The following DIP2A variants were observed in gnomAD, a reference collection of about 807,000 sequenced individuals.
DIP2A encodes the protein disco-interacting protein 2 homolog A.
A neutral mutation model predicts 177.4 loss-of-function variants in DIP2A; 85 were observed. The observed-to-expected ratio is 0.48, with a 90% confidence interval of 0.40 to 0.57. The LOEUF is 0.57. Among genes scored for constraint, DIP2A ranks in the 20% least tolerant of loss-of-function variants. The pLI is 0.00. For synonymous variants in DIP2A, 886 were observed against 881.8 expected (o/e 1.00, Z -0.08); for missense variants, 1,791 against 2,100.2 (o/e 0.85, Z 2.88).
intron 8 of DIP2A, among the ~76,000 whole-genome samples, chr21:46,521,990 C>T (rs558530644): frequency 1.3e-4 from 20 of 152,326 alleles, no homozygotes; most frequent in Non-Finnish European, 2.8e-4. Context: ...CCCATAGTCC[C>T]ATAGTCTCAA....
the DIP2A span, among the ~76,000 whole-genome samples, chr21:46,579,819 T>C: frequency 6.6e-6 from 1 of 152,108 alleles, no homozygotes; most frequent in African/African-American, 2.4e-5. Flanking sequence ...TCTGAAAGAC[T>C]GTTATAATTT....
chr21:46,543,541 G>GCTTCCCCAGGCA (rs1569078081), intron 18 of DIP2A, among the ~76,000 whole-genome samples: 1 of 24,772 alleles, frequency 4.0e-5, no homozygotes, highest in Non-Finnish European at 7.5e-5. Flanking sequence ...CGTGCAAAGC[G>GCTTCCCCAGGCA]CTCCCCCAGG....
At chr21:46,513,448 G>C (rs759047134) in intron 8 of DIP2A, among the ~76,000 whole-genome samples, 31 of 152,112 alleles carry the variant, frequency 2.0e-4, no homozygotes, top group African/African-American at 7.2e-4. Context: ...CTGTTGGCGG[G>C]GGGTGTTGTC....
rs769605995 is a variant in DIP2A, at chr21:46,498,873, G to A, written c.655+40G>A. The stretch of plus-strand genomic sequence containing the variant: ...GCTGCGGCCCCTGTGCCAGCAGAGC[G>A]GGGTCAGGAGTGTCCAGGACAGAGG... On this transcript the variant is annotated intron_variant, in intron 5 of 37. Transcript: ENST00000417564. The surrounding 1 kb of genome is among the most constrained non-coding windows in gnomAD (Gnocchi z 4.3). 21 of 1,567,354 alleles carry A rather than the reference G, an allele frequency of 1.3e-5. No individual in the cohort carries two copies. Among genetic ancestry groups the A allele is most frequent in the South Asian group, 6.0e-5 (5 of 83,926 alleles).
rs2058314634 is a variant in DIP2A at position 46,511,555 on chromosome 21, A to G, written c.1043A>G (p.Lys348Arg). The change falls in exon 8 of 38, where the codon AAA (lysine) becomes AGA (arginine). Residue 348 changes from lysine to arginine, a missense_variant. Lys to Arg is a conservative substitution (Grantham distance 26). Coordinates refer to ENST00000417564, the MANE Select transcript of DIP2A (RefSeq NM_015151.4). ...CAGCGCTGGGGCACAACACAGCCCAAATCCCCCTGTCTGACTGCCTTGGAT... is the reference window on the plus strand; with the variant it reads ...CAGCGCTGGGGCACAACACAGCCCAGATCCCCCTGTCTGACTGCCTTGGAT... ...TLQRWGTTQP[K>R]SPCLTALDTT... 1.3e-6 allele frequency: 2 copies of G among 1,597,846 alleles called. No individual in the cohort carries two copies. Among genetic ancestry groups the G allele is most frequent in the African/African-American group, 1.4e-5 (1 of 74,026 alleles).
At position 46,537,326 on chromosome 21, in the gene DIP2A, G is replaced by A; in HGVS notation, c.1707+38G>A. ...TGCTGATGACTAACTGTTGGAACAA[G>A]GGATTGAGATGAACCCAAGCCTCTG... is the stretch of plus-strand genomic sequence containing the variant. On this transcript the variant is annotated intron_variant, in intron 14 of 37. Coordinates refer to ENST00000417564, the MANE Select transcript of DIP2A (RefSeq NM_015151.4). This position sits in a 1 kb window ranked among gnomAD's most constrained non-coding sequence, Gnocchi z 4.1. 1.2e-6 allele frequency: 2 copies of A among 1,613,168 alleles called. No individual in the cohort carries two copies. Among genetic ancestry groups the A allele is most frequent in the Non-Finnish European group, 1.7e-6 (2 of 1,179,110 alleles).
At chr21:46,459,943 G>A (rs1346541225) in intron 1 of DIP2A, among the ~76,000 whole-genome samples, 1 of 152,098 alleles carries the variant, frequency 6.6e-6, no homozygotes, top group African/African-American at 2.4e-5. Flanking sequence ...AAGGCTGTAG[G>A]TCTGGGCTTG....
In DIP2A at chr21:46,541,816, T is replaced by C. The variant is rs777227846; in HGVS notation, c.2097T>C (p.Ser699=). ...RKAVLSMNGL[S]YGVIRVDTEE... ...CAGTCCTGTCGATGAACGGTCTAAG[T>C]TATGGTGTTATCAGAGTGGATACTG... is the stretch of plus-strand genomic sequence containing the variant. The change falls in exon 18 of 38, where the codon AGT becomes AGC. Residue 699 remains serine, a synonymous_variant. Transcript: ENST00000417564. 11 of 1,613,788 alleles carry C rather than the reference T, an allele frequency of 6.8e-6. No homozygotes were observed. The Admixed American group carries it at 1.0e-4, about 15-fold the overall frequency.
chr21:46,563,307 C>T lies in DIP2A; in HGVS notation c.4090-551C>T, dbSNP rs1569118621. Among the ~76,000 whole-genome samples, 1 of 152,226 alleles carries T rather than the reference C, an allele frequency of 6.6e-6. No homozygotes were observed. The highest frequency in any genetic ancestry group is 1.5e-5 in the Non-Finnish European group (1 of 68,036). On this transcript the variant is annotated intron_variant, in intron 34 of 37. Coordinates refer to ENST00000417564, the MANE Select transcript of DIP2A (RefSeq NM_015151.4). The surrounding 1 kb of genome is among the most constrained non-coding windows in gnomAD (Gnocchi z 4.3). ...ACAGAACAAGCATCCAGGCCTTGTG[C>T]AGTCAGGTGGTCTGACCTGAGCCCA...
intron 2 of DIP2A, among the ~76,000 whole-genome samples, chr21:46,485,583 C>T (rs7279991): frequency 0.48 from 72,753 of 151,916 alleles, 18,302 homozygotes; most frequent in African/African-American, 0.63. Context: ...GAAAATCTTA[C>T]AGGAAGATTG....
chr21:46,550,477 C>A, intron 22 of DIP2A, 66 bp from the exon 23 acceptor site: 1 of 1,488,826 alleles, frequency 6.7e-7, no homozygotes. Flanking sequence ...ATGTTCCTGT[C>A]CCCCACCCAG....
the DIP2A span, among the ~76,000 whole-genome samples, chr21:46,579,086 C>G: frequency 6.6e-6 from 1 of 152,078 alleles, no homozygotes; most frequent in Non-Finnish European, 1.5e-5. Context: ...CCTTCTGGTC[C>G]TGGGTTTTTT....
At chr21:46,464,817 C>CTTTTTTTTTTTTTTTTTTTTTTTT (rs1168153777) in intron 1 of DIP2A, among the ~76,000 whole-genome samples, 2 of 73,442 alleles carry the variant, frequency 2.7e-5, no homozygotes, top group Non-Finnish European at 5.0e-5. Context: ...ATATTCATGT[C>CTTTTTTTTTTTTTTTTTTTTTTTT]TTTTTTTTTT....
intron 2 of DIP2A, among the ~76,000 whole-genome samples, chr21:46,488,471 C>T (rs1365227419): frequency 2.6e-5 from 4 of 152,140 alleles, no homozygotes; most frequent in Non-Finnish European, 5.9e-5. Context: ...GTACACAGTT[C>T]AGGGTGTCCA....
At chr21:46,505,058 A>G (rs930161177) in intron 6 of DIP2A, among the ~76,000 whole-genome samples, 1 of 152,204 alleles carries the variant, frequency 6.6e-6, no homozygotes, top group Non-Finnish European at 1.5e-5. Context: ...TTTTCCCAAA[A>G]TAATAATTTA....
At chr21:46,562,915 G>A (rs2060715282) in intron 34 of DIP2A, among the ~76,000 whole-genome samples, 1 of 152,092 alleles carries the variant, frequency 6.6e-6, no homozygotes, top group South Asian at 2.1e-4. Flanking sequence ...TGTAAACTCA[G>A]CGGGTTTCCC....
At chr21:46,497,398 G>C (rs1412410545) in intron 4 of DIP2A, among the ~76,000 whole-genome samples, 1 of 152,090 alleles carries the variant, frequency 6.6e-6, no homozygotes, top group Non-Finnish European at 1.5e-5. Flanking sequence ...AGAACCTAAA[G>C]CACTAAGAGG....
chr21:46,480,363 G>A (rs976408193), intron 1 of DIP2A, among the ~76,000 whole-genome samples: 3 of 152,126 alleles, frequency 2.0e-5, no homozygotes, highest in Non-Finnish European at 2.9e-5. Context: ...GGAAAAACCT[G>A]CCCCCGTGAT....
Position 46,498,127 on chromosome 21 carries a change from T to C in DIP2A, c.404-455T>C, listed in dbSNP as rs2057453904. On this transcript the variant is annotated intron_variant, in intron 4 of 37. Coordinates refer to ENST00000417564, the MANE Select transcript of DIP2A (RefSeq NM_015151.4). The surrounding 1 kb of genome is among the most constrained non-coding windows in gnomAD (Gnocchi z 4.3). ...GGCCACCATGTTGTTGCTGGGGCCA[T>C]GCACAGGCCAGGATGCCTTCTCACT... is the stretch of plus-strand genomic sequence containing the variant. Among the ~76,000 whole-genome samples, 2 of 152,230 alleles carry C rather than the reference T, an allele frequency of 1.3e-5. No individual in the cohort carries two copies. The highest frequency in any genetic ancestry group is 2.1e-4 in the South Asian group (1 of 4,836).
Sources: gnomAD v4.1 joint callset for allele counts (sites outside exome capture counted in the v4.1 genomes callset) on GRCh38, gnomAD v4.1.1 for gene constraint, Gnocchi (gnomAD v3.1) non-coding constraint, MANE v1.5 for transcripts, NCBI Gene and HGNC (gene_info 2026-07-23, HGNC 2026-07-21) for gene names.